The following NOTCH2NLA variants were observed in gnomAD, a reference collection of about 807,000 sequenced individuals.
The protein encoded by NOTCH2NLA is notch homolog 2 N-terminal-like protein A.
At chr1:146,228,778 G>T (rs782669006) in exon 1 of NOTCH2NLA, 2 of 1,573,922 alleles carry the variant, frequency 1.3e-6, no homozygotes, top group Non-Finnish European at 1.7e-6. Context: ...CGCAGGGCGG[G>T]TATCTTCTCG....
At chr1:146,172,069 A>AAAGCT in intron 2 of NOTCH2NLA, among the ~76,000 whole-genome samples, 1 of 135,580 alleles carries the variant, frequency 7.4e-6, no homozygotes, top group African/African-American at 2.6e-5. Flanking sequence ...GAAGGACACC[A>AAAGCT]AAGCTAACTG....
chr1:146,229,009 C>T, exon 1 of NOTCH2NLA: 3 of 1,361,948 alleles, frequency 2.2e-6, no homozygotes, highest in Non-Finnish European at 2.9e-6. Context: ...TTGGCTGAAA[C>T]TTTCTCGGGT....
At chr1:146,157,497 G>A (rs1661221036) in intron 3 of NOTCH2NLA, among the ~76,000 whole-genome samples, 1 of 118,318 alleles carries the variant, frequency 8.5e-6, no homozygotes, top group Non-Finnish European at 1.8e-5. Flanking sequence ...TTTTCCTAGT[G>A]AACTCTCCCT....
At chr1:146,185,227 G>A (rs1428615784) in intron 2 of NOTCH2NLA, among the ~76,000 whole-genome samples, 3 of 134,712 alleles carry the variant, frequency 2.2e-5, no homozygotes, top group Admixed American at 7.8e-5. Flanking sequence ...CAGAATCCTA[G>A]TGAACTTGAG....
intron 2 of NOTCH2NLA, among the ~76,000 whole-genome samples, chr1:146,171,402 G>A (rs587722733): frequency 1.4e-3 from 200 of 141,434 alleles, no homozygotes; most frequent in African/African-American, 4.8e-3. Context: ...CTGCACTCCA[G>A]CCTGGGCAAC....
At chr1:146,186,026 A>C (rs1662742648) in intron 2 of NOTCH2NLA, among the ~76,000 whole-genome samples, 1 of 135,824 alleles carries the variant, frequency 7.4e-6, no homozygotes, top group African/African-American at 2.5e-5. Context: ...AATTCTGTGG[A>C]GGCTGGCAAA....
intron 3 of NOTCH2NLA, among the ~76,000 whole-genome samples, chr1:146,157,500 C>T (rs1251281471): frequency 2.6e-5 from 3 of 115,648 alleles, no homozygotes; most frequent in African/African-American, 9.5e-5. Flanking sequence ...TCCTAGTGAA[C>T]TCTCCCTATC....
At chr1:146,204,055 T>C (rs1180081292) in intron 1 of NOTCH2NLA, among the ~76,000 whole-genome samples, 2 of 149,972 alleles carry the variant, frequency 1.3e-5, no homozygotes, top group Non-Finnish European at 3.0e-5. Context: ...TAATAAATAA[T>C]ATACTCTATA....
exon 1 of NOTCH2NLA, chr1:146,228,815 G>C (rs1738644): frequency 0.88 from 1,334,055 of 1,523,746 alleles, 578,187 homozygotes; most frequent in Non-Finnish European, 0.89. Context: ...CCGCCGCCGC[G>C]GCCGCCTGGG....
chr1:146,186,484 AAC>A (rs1662772038), intron 2 of NOTCH2NLA, among the ~76,000 whole-genome samples: 1 of 143,794 alleles, frequency 7.0e-6, no homozygotes, highest in African/African-American at 2.5e-5. Flanking sequence ...CCTCCCGAGT[AAC>A]TGGGATTACA....
At chr1:146,159,966 C>CAAA (rs782308523) in intron 3 of NOTCH2NLA, among the ~76,000 whole-genome samples, 84 of 7,444 alleles carry the variant, frequency 0.011, 5 homozygotes, top group Admixed American at 0.037. Context: ...TACTCCATCT[C>CAAA]AAAAAAAAAA....
At chr1:146,174,400 CTTTTTTTTTTTTTT>C (rs1209878010) in intron 2 of NOTCH2NLA, among the ~76,000 whole-genome samples, 1 of 95,812 alleles carries the variant, frequency 1.0e-5, no homozygotes, top group Non-Finnish European at 2.1e-5. Context: ...CTGTCTTTAG[CTTTTTTTTTTTTTT>C]TTTTTTTTTT....
chr1:146,171,501 G>A (rs1269177697), intron 2 of NOTCH2NLA, among the ~76,000 whole-genome samples: 3 of 122,276 alleles, frequency 2.5e-5, no homozygotes, highest in East Asian at 2.0e-4. Flanking sequence ...TCTAGAGTGC[G>A]TGTGCTTCAA....
chr1:146,174,464 C>G (rs1415056469), intron 2 of NOTCH2NLA, among the ~76,000 whole-genome samples: 6 of 139,654 alleles, frequency 4.3e-5, no homozygotes, highest in Non-Finnish European at 9.3e-5. Flanking sequence ...ACAACAACAA[C>G]AACAAAGCAA....
chr1:146,159,417 AAG>A (rs1661360907), intron 3 of NOTCH2NLA, among the ~76,000 whole-genome samples: 1 of 149,816 alleles, frequency 6.7e-6, no homozygotes, highest in Non-Finnish European at 1.5e-5. Flanking sequence ...GAAAGAAAGA[AAG>A]AAAGAAAGAA....
chr1:146,158,167 A>T (rs1661258634), intron 3 of NOTCH2NLA, among the ~76,000 whole-genome samples: 1 of 150,164 alleles, frequency 6.7e-6, no homozygotes, highest in Non-Finnish European at 1.5e-5. Context: ...TTGAATTTTT[A>T]TTATTATTAT....
chr1:146,185,521 C>T (rs1662715521), intron 2 of NOTCH2NLA, among the ~76,000 whole-genome samples: 1 of 136,456 alleles, frequency 7.3e-6, no homozygotes, highest in South Asian at 2.3e-4. Flanking sequence ...TACTTAGGCT[C>T]CTAACACTGA....
rs1295625333 is a variant in NOTCH2NLA, at chr1:146,180,622, T to C, written c.38+8678A>G. Among the ~76,000 whole-genome samples, 5 of 143,160 alleles carry C rather than the reference T, an allele frequency of 3.5e-5. 1 individual carries two copies. In the East Asian group the frequency reaches 9.7e-4, roughly 28 times the overall value. 93.9% of individuals were successfully genotyped at this position (143,160 alleles called of 152,430 possible). A position where few individuals can be genotyped will look rare whatever the true frequency, so the allele number is the denominator to read the frequency against. ...ATTTACCTTACGTTGGGTTGTAAGG[T>C]AAAACCCAACTAAAAGAAATATGAA... On this transcript the variant is annotated intron_variant, in intron 2 of 4. Coordinates refer to ENST00000362074, the Ensembl canonical transcript of NOTCH2NLA.
chr1:146,171,330 C>A lies in NOTCH2NLA; in HGVS notation c.39-6320G>T, dbSNP rs1352199268. 5.7e-3 allele frequency among the ~76,000 whole-genome samples: 793 copies of A among 138,214 alleles called. 96 individuals carry two copies. The highest frequency in any genetic ancestry group is 9.7e-3 in the Non-Finnish European group (585 of 60,006). 90.7% of individuals were successfully genotyped at this position (138,214 alleles called of 152,430 possible). A position where few individuals can be genotyped will look rare whatever the true frequency, so the allele number is the denominator to read the frequency against. ...CCTGTAGTCCCAGCTACTCAGGAGG[C>A]TGAGGCAGGAGAATGGCATGAACCC... On this transcript the variant is annotated intron_variant, in intron 2 of 4. Transcript: ENST00000362074.
Sources: gnomAD v4.1 joint callset for allele counts (sites outside exome capture counted in the v4.1 genomes callset) on GRCh38, gnomAD v4.1.1 for gene constraint, MANE v1.5 for transcripts, NCBI Gene and HGNC (gene_info 2026-07-23, HGNC 2026-07-21) for gene names.